LSS: variants seen among roughly 807,000 people sequenced by gnomAD.
LSS encodes 2,3-epoxysqualene-lanosterol cyclase.
LSS carries 90 observed loss-of-function variants against 110.3 expected under a neutral mutation model. The ratio of observed to expected loss-of-function variants is 0.82; its 90% confidence interval spans 0.69 to 0.97. The LOEUF is 0.97. Ranked by LOEUF, LSS falls within the 50% of genes least tolerant of loss-of-function variation. The probability of loss-of-function intolerance (pLI) is 0.00; values close to 1 mark genes in which losing one functional copy is unlikely to be tolerated. For synonymous variants in LSS, 433 were observed against 400.0 expected, an observed-to-expected ratio of 1.08 and a Z score of -0.98; for missense variants, 927 against 990.0, an observed-to-expected ratio of 0.94 and a Z score of 0.85.
rs923505585 is a variant in LSS at position 46,219,524 on chromosome 21, A to G, written c.599T>C (p.Leu200Pro). 2 of 1,603,898 alleles carry G rather than the reference A, an allele frequency of 1.2e-6. No homozygotes were observed. The highest frequency in any genetic ancestry group is 8.5e-7 in the Non-Finnish European group (1 of 1,175,234). ...PSWGKFWLAV[L>P]NVYSWEGLNT... is the part of the protein sequence containing the mutation. ...GAGGCCTTCCCAGCTGTAAACATTC[A>G]GGACAGCCAGCCAGAACTTCCCCCA... Residue 200 changes from leucine to proline, a missense_variant, in exon 6 of 22, where the codon CTG becomes CCG. By Grantham distance (98) the Leu-to-Pro change is moderately conservative. Coordinates refer to ENST00000397728, the MANE Select transcript of LSS (RefSeq NM_002340.6).
chr21:46,202,517 A>C (rs1031612691), intron 17 of LSS, among the ~76,000 whole-genome samples: 1 of 152,164 alleles, frequency 6.6e-6, no homozygotes, highest in Non-Finnish European at 1.5e-5. Context: ...AAAGAAATTG[A>C]GGGGAAAATA....
At chr21:46,220,289 T>C (rs1203163478) in intron 5 of LSS, 2 of 152,280 alleles carry the variant, frequency 1.3e-5, no homozygotes, top group African/African-American at 4.8e-5. Flanking sequence ...GACAGCAGCC[T>C]TGGGGACGCA....
At position 46,215,763 on chromosome 21, in the gene LSS, C is replaced by G. The variant is rs1157780638; in HGVS notation, c.814G>C (p.Asp272His). 3 of 1,612,482 alleles carry G rather than the reference C, an allele frequency of 1.9e-6. No individual in the cohort carries two copies. In the East Asian group the frequency reaches 6.7e-5, roughly 36 times the overall value. Reference protein sequence around the residue: ...ELYVEDFASIDWLAQRNNVAP... With the variant: ...ELYVEDFASIHWLAQRNNVAP... ...ACGTTGTTCCTCTGCGCCAGCCAGT[C>G]AATGCTGGCGAAGTCCTCCACATAG... Residue 272 changes from aspartate to histidine, a missense_variant, in exon 8 of 22, where the codon GAC becomes CAC. By Grantham distance (81) the Asp-to-His change is moderately conservative. Transcript: ENST00000397728.
chr21:46,198,801 G>C (rs2123704991), intron 17 of LSS, among the ~76,000 whole-genome samples: 1 of 127,836 alleles, frequency 7.8e-6, no homozygotes, highest in African/African-American at 3.0e-5. Flanking sequence ...CTTGACAGAT[G>C]GTACCAAAAC....
chr21:46,208,242 C>T lies in LSS; in HGVS notation c.1317+9G>A. ...GGACGGGACAGGGATGGGGCTGGCT[C>T]CCGCATACCTTGCGCATCTGGCGGT... On this transcript the variant is annotated intron_variant, in intron 14 of 21. Transcript: ENST00000397728. 1.3e-6 allele frequency: 2 copies of T among 1,551,938 alleles called. No homozygotes were observed. Among genetic ancestry groups the T allele is most frequent in the Non-Finnish European group, 1.7e-6 (2 of 1,147,132 alleles).
At chr21:46,212,117 C>T (rs2080142105) in intron 11 of LSS, among the ~76,000 whole-genome samples, 1 of 152,220 alleles carries the variant, frequency 6.6e-6, no homozygotes, top group African/African-American at 2.4e-5. Context: ...GGGCTTGCTA[C>T]TCACCTCCAC....
intron 21 of LSS, 81 bp from the exon 22 acceptor site, chr21:46,191,316 G>C: frequency 2.0e-6 from 3 of 1,530,412 alleles, no homozygotes; most frequent in Non-Finnish European, 2.7e-6. Flanking sequence ...CCTGGCTGTT[G>C]GCTTGGCTGG....
intron 17 of LSS, among the ~76,000 whole-genome samples, chr21:46,198,415 TG>T (rs534450912): frequency 7.7e-4 from 118 of 152,300 alleles, no homozygotes; most frequent in African/African-American, 2.6e-3. Flanking sequence ...CTATATATGA[TG>T]AAAACTACAA....
intron 5 of LSS, among the ~76,000 whole-genome samples, chr21:46,220,767 C>T (rs914925111): frequency 5.3e-5 from 8 of 150,898 alleles, no homozygotes; most frequent in Non-Finnish European, 1.2e-4. Flanking sequence ...GGAGAGGTAG[C>T]CAGGGGCTTG....
Position 46,216,517 on chromosome 21 carries a change from G to C in LSS, c.655C>G (p.Pro219Ala). The change falls in exon 7 of 22, where the codon CCT becomes GCT. Residue 219 changes from proline to alanine, a missense_variant. Coordinates refer to ENST00000397728, the MANE Select transcript of LSS (RefSeq NM_002340.6). The surrounding 1 kb of genome is among the most constrained non-coding windows in gnomAD (Gnocchi z 4.2). ...GAGGGGTGTGCCGGTGCCCAGTCAG[G>C]AAACAGCCTGGGGCAACAGCAGGAG... ...NTLFPEMWLF[P>A]DWAPAHPSTL... 1 of 1,603,314 alleles carries C rather than the reference G, an allele frequency of 6.2e-7. No homozygotes were observed. Among genetic ancestry groups the C allele is most frequent in the East Asian group, 2.2e-5 (1 of 44,612 alleles).
At chr21:46,213,566 AT>A (rs2123737582) in intron 10 of LSS, among the ~76,000 whole-genome samples, 171 bp downstream of exon 10, 1 of 152,232 alleles carries the variant, frequency 6.6e-6, no homozygotes, top group African/African-American at 2.4e-5. Context: ...AAATCTTCCA[AT>A]TCAAAGACAA....
At position 46,215,253 on chromosome 21, in the gene LSS, T is replaced by C; in HGVS notation, c.938A>G (p.Gln313Arg). The change falls in exon 9 of 22, where the codon CAG becomes CGG. Residue 313 changes from glutamine to arginine, a missense_variant. By Grantham distance (43) the Gln-to-Arg change is conservative (BLOSUM62 1). Coordinates refer to ENST00000397728, the MANE Select transcript of LSS (RefSeq NM_002340.6). The stretch of plus-strand genomic sequence containing the variant: ...TTCATACAGCTTCTGCACGGCCCGC[T>C]GCCGCAGGTGGGCACTGTGGTGGTG... ...YEHHHSAHLR[Q>R]RAVQKLYEHI... is the part of the protein sequence containing the mutation. 1 of 1,611,068 alleles carries C rather than the reference T, an allele frequency of 6.2e-7. No individual in the cohort carries two copies. The highest frequency in any genetic ancestry group is 1.1e-5 in the South Asian group (1 of 90,944).
intron 20 of LSS, chr21:46,193,139 G>A (rs1331834926): frequency 6.7e-6 from 3 of 447,238 alleles, no homozygotes; most frequent in South Asian, 4.7e-5. Context: ...GCATACGTGT[G>A]TGCATAGACC....
chr21:46,223,863 C>T (rs887778959), intron 3 of LSS, among the ~76,000 whole-genome samples: 17 of 152,172 alleles, frequency 1.1e-4, no homozygotes, highest in Non-Finnish European at 2.4e-4. Flanking sequence ...GCCGAGCGGA[C>T]GGTGGTCTAG....
intron 9 of LSS, 127 bp from the exon 10 acceptor site, chr21:46,213,962 C>A: frequency 1.5e-6 from 1 of 684,928 alleles, no homozygotes. Context: ...AGGGCCAGGA[C>A]AGGGGCCTTC....
intron 3 of LSS, among the ~76,000 whole-genome samples, chr21:46,224,107 C>A (rs897120481): frequency 6.6e-6 from 1 of 152,208 alleles, no homozygotes; most frequent in Non-Finnish European, 1.5e-5. Context: ...CTGGCTCTGC[C>A]TTCTAGATAG....
chr21:46,192,191 C>A, intron 20 of LSS: 1 of 590,574 alleles, frequency 1.7e-6, no homozygotes, highest in East Asian at 2.9e-5. Flanking sequence ...GCTGGGGACA[C>A]AGGCCTCCTC....
chr21:46,221,242 A>C (rs1443872040), intron 5 of LSS, among the ~76,000 whole-genome samples: 2 of 152,170 alleles, frequency 1.3e-5, no homozygotes, highest in Non-Finnish European at 2.9e-5. Flanking sequence ...TGCAAGCTCC[A>C]GGGCTGCTCT....
chr21:46,219,494 G>A lies in LSS; in HGVS notation c.629C>T (p.Thr210Ile), dbSNP rs761084136. Residue 210 changes from threonine to isoleucine, a missense_variant, in exon 6 of 22, where the codon ACC (threonine) becomes ATC (isoleucine). Thr to Ile is a moderately conservative substitution (Grantham distance 89, BLOSUM62 -1). Transcript: ENST00000397728. ...GACATACCACATCTCTGGGAACAGGGTATTGAGGCCTTCCCAGCTGTAAAC... is the reference window on the plus strand; with the variant it reads ...GACATACCACATCTCTGGGAACAGGATATTGAGGCCTTCCCAGCTGTAAAC... ...LNVYSWEGLN[T>I]LFPEMWLFPD... The A allele has an allele frequency of 1.2e-6, 2 of 1,600,496 alleles. No individual in the cohort carries two copies. Among genetic ancestry groups the A allele is most frequent in the Non-Finnish European group, 1.7e-6 (2 of 1,173,520 alleles).
Sources: allele counts gnomAD v4.1 joint callset (sites outside exome capture counted in the v4.1 genomes callset), GRCh38; gene constraint gnomAD v4.1.1; non-coding constraint Gnocchi (gnomAD v3.1); transcripts MANE v1.5; gene names NCBI Gene and HGNC (gene_info 2026-07-23, HGNC 2026-07-21).